SCFD1: variants seen among roughly 807,000 people sequenced by gnomAD.
The protein encoded by SCFD1 is sec1 family domain-containing protein 1.
Under a neutral mutation model 103.2 loss-of-function variants are expected in SCFD1, and 37 were observed. The ratio of observed to expected loss-of-function variants is 0.36; its 90% CI spans 0.28 to 0.47. The LOEUF is 0.47. Ranked by LOEUF, SCFD1 falls within the 20% of genes least tolerant of loss-of-function variation. The pLI is 1.00. For synonymous variants in SCFD1, 264 were observed against 245.0 expected, an observed-to-expected ratio of 1.08 and a Z score of -0.73; for missense variants, 639 against 761.2, an observed-to-expected ratio of 0.84 and a Z score of 1.89.
chr14:30,673,012 A>G (rs544035971), intron 11 of SCFD1, among the ~76,000 whole-genome samples: 2 of 152,302 alleles, frequency 1.3e-5, no homozygotes, highest in Admixed American at 1.3e-4. Flanking sequence ...AATGAAAAAT[A>G]GAAATGAAAT....
At chr14:30,654,327 T>G (rs1328735265) in intron 10 of SCFD1, among the ~76,000 whole-genome samples, 1 of 152,212 alleles carries the variant, frequency 6.6e-6, no homozygotes, top group Non-Finnish European at 1.5e-5. Flanking sequence ...ACTCTAGGGA[T>G]TACACTATAT....
chr14:30,714,895 C>G (rs1478442390), intron 19 of SCFD1, among the ~76,000 whole-genome samples: 2 of 152,192 alleles, frequency 1.3e-5, no homozygotes, highest in African/African-American at 4.8e-5. Flanking sequence ...CCATAATTTT[C>G]TAAATTTTCT....
intron 19 of SCFD1, among the ~76,000 whole-genome samples, chr14:30,709,353 A>C (rs1272018775): frequency 6.6e-6 from 1 of 151,944 alleles, no homozygotes; most frequent in African/African-American, 2.4e-5. Context: ...GCTGGAGTGC[A>C]GTGATGCTAG....
At position 30,702,283 on chromosome 14, in the gene SCFD1, T is replaced by C; in HGVS notation, c.1411-13T>C. The stretch of plus-strand genomic sequence containing the variant: ...GTAAAATTTTTTGTCATATAGTTCT[T>C]TTCTTATTTCAGGCTGATTTGGAGC... On this transcript the variant is annotated splice_polypyrimidine_tract_variant and intron_variant, in intron 16 of 24. Transcript: ENST00000458591. 6.4e-7 allele frequency: 1 copy of C among 1,562,772 alleles called. No individual in the cohort carries two copies. The highest frequency in any genetic ancestry group is 8.7e-7 in the Non-Finnish European group (1 of 1,149,888).
rs571890500 is a variant in SCFD1 at position 30,715,833 on chromosome 14, A to T, written c.1630-91A>T. ...CTTAGAATGTGTTTAATTGAAAGGT[A>T]AGCATACTTAACTGTAGAATGATCA... On this transcript the variant is annotated intron_variant, in intron 19 of 24. Coordinates refer to ENST00000458591, the MANE Select transcript of SCFD1 (RefSeq NM_016106.4). The T allele has an allele frequency of 4.7e-5, 31 of 663,114 alleles. No homozygotes were observed. In the Admixed American group the frequency reaches 7.6e-4, roughly 16 times the overall value. 41.1% of individuals were successfully genotyped at this position (663,114 alleles called of 1,614,324 possible).
At chr14:30,649,675 T>C (rs1886216149) in intron 8 of SCFD1, 92 bp downstream of exon 8, 4 of 915,812 alleles carry the variant, frequency 4.4e-6, no homozygotes, top group Admixed American at 2.8e-5. Flanking sequence ...TATTTAAATA[T>C]ATGATTGCTT....
intron 10 of SCFD1, among the ~76,000 whole-genome samples, chr14:30,654,196 T>C (rs148698430): frequency 6.6e-6 from 1 of 152,346 alleles, no homozygotes; most frequent in African/African-American, 2.4e-5. Flanking sequence ...AATTTCTCTA[T>C]GAGACACTAT....
intron 15 of SCFD1, among the ~76,000 whole-genome samples, chr14:30,698,227 C>T (rs1171842594): frequency 1.3e-5 from 2 of 152,134 alleles, no homozygotes; most frequent in Non-Finnish European, 2.9e-5. Flanking sequence ...GAGAGAGGTG[C>T]GTGTGACAAG....
intron 11 of SCFD1, among the ~76,000 whole-genome samples, chr14:30,672,630 C>T (rs866150903): frequency 3.2e-4 from 49 of 152,220 alleles, no homozygotes; most frequent in Middle Eastern, 3.4e-3. Context: ...GTGTTTTCTA[C>T]CTGAGTGCTC....
chr14:30,655,649 T>C (rs1459627551), intron 10 of SCFD1, among the ~76,000 whole-genome samples: 1 of 152,214 alleles, frequency 6.6e-6, no homozygotes, highest in Non-Finnish European at 1.5e-5. Flanking sequence ...CTGTGTTTTT[T>C]ATACTGACTG....
intron 3 of SCFD1, among the ~76,000 whole-genome samples, chr14:30,631,603 A>T (rs1884140634): frequency 6.6e-6 from 1 of 152,188 alleles, no homozygotes; most frequent in Non-Finnish European, 1.5e-5. Flanking sequence ...AATATGAAAA[A>T]TTTAAGTGAC....
At chr14:30,651,722 G>A (rs570351472) in intron 9 of SCFD1, among the ~76,000 whole-genome samples, 4 of 152,188 alleles carry the variant, frequency 2.6e-5, no homozygotes, top group Non-Finnish European at 4.4e-5. Context: ...TAATATGGGC[G>A]TCTTGTTTCT....
intron 17 of SCFD1, 87 bp downstream of exon 17, chr14:30,702,462 A>C (rs1273136869): frequency 2.7e-6 from 2 of 746,564 alleles, no homozygotes; most frequent in Non-Finnish European, 4.3e-6. Flanking sequence ...TGCTAATAAG[A>C]AAACTGAACA....
chr14:30,676,001 C>G (rs1243154835), intron 14 of SCFD1: 2 of 152,118 alleles, frequency 1.3e-5, no homozygotes, highest in African/African-American at 2.4e-5. Context: ...GGAATAGAAA[C>G]AGAACTGCAG....
chr14:30,691,720 C>T (rs1013942877), intron 14 of SCFD1, among the ~76,000 whole-genome samples: 3 of 152,122 alleles, frequency 2.0e-5, no homozygotes, highest in Non-Finnish European at 4.4e-5. Flanking sequence ...TTTGTCACCT[C>T]AAAAAGAAAC....
At chr14:30,633,520 T>C (rs1472936979) in intron 3 of SCFD1, among the ~76,000 whole-genome samples, 1 of 152,234 alleles carries the variant, frequency 6.6e-6, no homozygotes, top group Non-Finnish European at 1.5e-5. Context: ...GAATTGCTTC[T>C]AAAATTTTTT....
chr14:30,708,437 G>A (rs923476996), intron 19 of SCFD1, among the ~76,000 whole-genome samples: 1 of 152,098 alleles, frequency 6.6e-6, no homozygotes, highest in African/African-American at 2.4e-5. Context: ...CTGTTCCTGA[G>A]TTAGAAATCA....
chr14:30,635,085 G>C (rs956224505), intron 4 of SCFD1: 21 of 392,762 alleles, frequency 5.3e-5, no homozygotes, highest in South Asian at 3.8e-4. Context: ...ATTGACTGTT[G>C]AATCAAATTG....
At chr14:30,684,877 G>C (rs1458421329) in intron 14 of SCFD1, among the ~76,000 whole-genome samples, 1 of 89,358 alleles carries the variant, frequency 1.1e-5, no homozygotes, top group Non-Finnish European at 2.0e-5. Flanking sequence ...AGTTACATAT[G>C]TATACATGTG....
Sources: allele counts gnomAD v4.1 joint callset (sites outside exome capture counted in the v4.1 genomes callset), GRCh38; gene constraint gnomAD v4.1.1; transcripts MANE v1.5; gene names NCBI Gene and HGNC (gene_info 2026-07-23, HGNC 2026-07-21).